Variants in GLT8D2 observed in about 807,000 individuals in gnomAD.
GLT8D2 encodes the protein glycosyltransferase 8 domain containing 2.
In GLT8D2, 45 loss-of-function variants were observed where a neutral mutation model predicts 44.5. The observed-to-expected ratio is 1.01, with a 90% CI of 0.80 to 1.30. GLT8D2 has a LOEUF of 1.30. GLT8D2 is among the 50% of genes most tolerant of loss of function. The pLI is 0.00. For missense variants in GLT8D2, 400 were observed against 430.4 expected (o/e 0.93, Z 0.62); for synonymous variants, 156 against 157.2 (o/e 0.99, Z 0.06).
chr12:104,005,201 C>G (rs1412452122), intron 4 of GLT8D2, among the ~76,000 whole-genome samples: 1 of 152,112 alleles, frequency 6.6e-6, no homozygotes, highest in Non-Finnish European at 1.5e-5. Flanking sequence ...AAAACTGGAC[C>G]CCTTCCTTAC....
At chr12:104,030,725 A>G in intron 1 of GLT8D2, 1 of 1,611,784 alleles carries the variant, frequency 6.2e-7, no homozygotes, top group Non-Finnish European at 8.5e-7. Flanking sequence ...AAAATAGGCA[A>G]AGGACTCCGG....
intron 1 of GLT8D2, among the ~76,000 whole-genome samples, chr12:104,037,325 G>C (rs1160107281): frequency 6.6e-6 from 1 of 152,168 alleles, no homozygotes. Flanking sequence ...GAGCAGAACT[G>C]AAGGAGATAG....
At chr12:104,058,445 A>ATC (rs1882367371) in intron 1 of GLT8D2, among the ~76,000 whole-genome samples, 1 of 152,064 alleles carries the variant, frequency 6.6e-6, no homozygotes, top group African/African-American at 2.4e-5. Context: ...TTCAGTGTTG[A>ATC]ATATTAGTTT....
intron 8 of GLT8D2, 121 bp from the exon 9 acceptor site, chr12:103,994,622 G>T: frequency 1.2e-6 from 1 of 800,850 alleles, no homozygotes; most frequent in Non-Finnish European, 1.9e-6. Flanking sequence ...CTGGCCACTG[G>T]GTAGTTTGTT....
At chr12:104,033,605 T>G (rs530446653) in intron 1 of GLT8D2, among the ~76,000 whole-genome samples, 1 of 152,132 alleles carries the variant, frequency 6.6e-6, no homozygotes, top group Non-Finnish European at 1.5e-5. Flanking sequence ...TTACTAATAA[T>G]GTATTGTATA....
At chr12:104,002,662 G>A (rs1295443369) in intron 5 of GLT8D2, among the ~76,000 whole-genome samples, 4 of 152,116 alleles carry the variant, frequency 2.6e-5, no homozygotes, top group Admixed American at 6.6e-5. Flanking sequence ...AGAAAGTAGA[G>A]GCCAGGTGTG....
intron 5 of GLT8D2, among the ~76,000 whole-genome samples, chr12:104,001,456 T>A (rs1204846746): frequency 1.3e-5 from 2 of 152,240 alleles, no homozygotes; most frequent in Non-Finnish European, 2.9e-5. Context: ...GATATTGCCA[T>A]GTTGACCTTG....
At chr12:104,033,304 A>G (rs1879538497) in intron 1 of GLT8D2, among the ~76,000 whole-genome samples, 2 of 152,218 alleles carry the variant, frequency 1.3e-5, no homozygotes, top group African/African-American at 2.4e-5. Context: ...TATGCACAAA[A>G]TAAAATATTA....
At chr12:104,042,631 C>A (rs1343742132) in intron 1 of GLT8D2, among the ~76,000 whole-genome samples, 3 of 152,060 alleles carry the variant, frequency 2.0e-5, no homozygotes, top group African/African-American at 7.2e-5. Flanking sequence ...AACTGGAGAA[C>A]CAAGGAAGTG....
Position 104,014,399 on chromosome 12 carries a change from C to T in GLT8D2, c.112+614G>A, listed in dbSNP as rs149493988. The T allele has an allele frequency of 1.5e-4, 96 of 620,320 alleles. No homozygotes were observed. In the African/African-American group the frequency reaches 1.6e-3, roughly 10 times the overall value. The allele number at this position is 620,320 out of a possible 1,614,324, so 38.4% of individuals were successfully genotyped here. A position where few individuals can be genotyped will look rare whatever the true frequency, so the allele number is the denominator to read the frequency against. On this transcript the variant is annotated intron_variant, in intron 4 of 10. Coordinates refer to ENST00000360814, the MANE Select transcript of GLT8D2 (RefSeq NM_001384711.1). ...TTAAAAATGTAATAAACAGTGCTTC[C>T]TGATTTTTATGGAGGTTGACTTTGT...
At chr12:103,995,190 T>C (rs570779223) in intron 8 of GLT8D2, among the ~76,000 whole-genome samples, 7 of 152,242 alleles carry the variant, frequency 4.6e-5, no homozygotes, top group African/African-American at 1.2e-4. Context: ...CTTCCACTAT[T>C]TTCCACCCCA....
At chr12:104,024,063 A>G (rs574209100) in intron 1 of GLT8D2, among the ~76,000 whole-genome samples, 1 of 152,214 alleles carries the variant, frequency 6.6e-6, no homozygotes, top group Middle Eastern at 3.4e-3. Context: ...TCTTTTGGGT[A>G]GATATATATT....
At chr12:104,048,493 C>T (rs1397248129) in intron 1 of GLT8D2, among the ~76,000 whole-genome samples, 2 of 152,120 alleles carry the variant, frequency 1.3e-5, no homozygotes, top group Non-Finnish European at 2.9e-5. Flanking sequence ...AATCATTTTC[C>T]TCGGGAACTA....
intron 2 of GLT8D2, 63 bp from the exon 3 acceptor site, chr12:104,019,739 G>A (rs377199526): frequency 7.8e-5 from 83 of 1,061,696 alleles, no homozygotes; most frequent in Middle Eastern, 4.2e-4. Flanking sequence ...ATCAACAAGT[G>A]TTAAGGACTA....
At chr12:104,054,887 T>C (rs1018939336), upstream of GLT8D2, among the ~76,000 whole-genome samples, 1 of 152,174 alleles carries the variant, frequency 6.6e-6, no homozygotes, top group African/African-American at 2.4e-5. Flanking sequence ...ACAGTGACTA[T>C]AGAGTTGAAT....
chr12:104,042,549 T>A (rs1045766033), intron 1 of GLT8D2, among the ~76,000 whole-genome samples: 4 of 152,166 alleles, frequency 2.6e-5, no homozygotes, highest in African/African-American at 4.8e-5. Context: ...GGGGATAAGC[T>A]GATTGTGGGG....
chr12:104,041,240 G>C (rs553878069), intron 1 of GLT8D2, among the ~76,000 whole-genome samples: 1 of 151,966 alleles, frequency 6.6e-6, no homozygotes, highest in East Asian at 1.9e-4. Context: ...ATGGTAAAAC[G>C]CTGTCTCTAC....
chr12:104,060,462 C>T (rs1882546210), intron 1 of GLT8D2, among the ~76,000 whole-genome samples: 4 of 152,188 alleles, frequency 2.6e-5, no homozygotes, highest in Admixed American at 2.6e-4. Context: ...GGATTATGTA[C>T]TTTGTCATAG....
Position 104,016,720 on chromosome 12 carries a change from A to G in GLT8D2, c.20-1615T>C, listed in dbSNP as rs1465697716. Among the ~76,000 whole-genome samples the G allele has an allele frequency of 6.3e-3, 297 of 47,336 alleles. 2 individuals are homozygous for G. Among genetic ancestry groups the G allele is most frequent in the African/African-American group, 6.0e-3 (71 of 11,846 alleles). The allele number at this position is 47,336 out of a possible 152,430, so 31.1% of individuals were successfully genotyped here. A position where few individuals can be genotyped will look rare whatever the true frequency, so the allele number is the denominator to read the frequency against. On this transcript the variant is annotated intron_variant, in intron 3 of 10. Coordinates refer to ENST00000360814, the MANE Select transcript of GLT8D2 (RefSeq NM_001384711.1). ...GAAAGAAAGGGAGAGAGAAAGAAAGAAAGAAAGAAAGAAAGAAAGAAAGAA... is the reference window on the plus strand; with the variant it reads ...GAAAGAAAGGGAGAGAGAAAGAAAGGAAGAAAGAAAGAAAGAAAGAAAGAA...
Sources: gnomAD v4.1 joint callset for allele counts (sites outside exome capture counted in the v4.1 genomes callset) on GRCh38, gnomAD v4.1.1 for gene constraint, MANE v1.5 for transcripts, NCBI Gene and HGNC (gene_info 2026-07-23, HGNC 2026-07-21) for gene names.